The following IGSF21 variants were observed in gnomAD, a reference collection of about 807,000 sequenced individuals.
The protein encoded by IGSF21 is immunoglobulin superfamily member 21.
Under a neutral mutation model 46.8 loss-of-function variants are expected in IGSF21, and 28 were observed. That is an observed-to-expected ratio of 0.60 (90% CI 0.44 to 0.82). IGSF21 has a LOEUF of 0.82. IGSF21 is among the 40% of genes least tolerant of loss of function. IGSF21 has a pLI of 0.00. For missense variants in IGSF21, 624 were observed against 665.5 expected (o/e 0.94, Z 0.69); for synonymous variants, 284 against 273.6 (o/e 1.04, Z -0.38).
rs116910727 is a variant in IGSF21, at chr1:18,210,749, A to G, written c.71-17149A>G. Among the ~76,000 whole-genome samples, 554 of 152,304 alleles carry G rather than the reference A, an allele frequency of 3.6e-3. 14 individuals are homozygous for G. In the South Asian group the frequency reaches 0.066, roughly 18 times the overall value. Reference sequence around the variant, plus strand: ...CCTGCACACCAGATGCCAGTAGCGCAGCCCCCCTCCAGTTGTGATAGCAGA... The same window carrying G: ...CCTGCACACCAGATGCCAGTAGCGCGGCCCCCCTCCAGTTGTGATAGCAGA... On this transcript the variant is annotated intron_variant, in intron 1 of 9. Coordinates refer to ENST00000251296, the MANE Select transcript of IGSF21 (RefSeq NM_032880.5).
At chr1:18,204,481 G>A (rs536032724) in intron 1 of IGSF21, among the ~76,000 whole-genome samples, 12 of 152,292 alleles carry the variant, frequency 7.9e-5, no homozygotes, top group South Asian at 6.2e-4. Flanking sequence ...TGAGTGTGGC[G>A]TGCGCTGCTT....
intron 4 of IGSF21, among the ~76,000 whole-genome samples, chr1:18,338,332 A>T (rs1569838513): frequency 6.6e-6 from 1 of 152,202 alleles, no homozygotes; most frequent in African/African-American, 2.4e-5. Context: ...GCTTTGGTTC[A>T]TCTGTGGCAT....
chr1:18,218,197 G>A (rs1256431613), intron 1 of IGSF21, among the ~76,000 whole-genome samples: 4 of 152,188 alleles, frequency 2.6e-5, no homozygotes, highest in Non-Finnish European at 5.9e-5. Context: ...AGGTGAAGGG[G>A]AAGCAGGCAC....
At chr1:18,326,236 G>A (rs2085656903) in intron 3 of IGSF21, among the ~76,000 whole-genome samples, 1 of 152,244 alleles carries the variant, frequency 6.6e-6, no homozygotes, top group Non-Finnish European at 1.5e-5. Flanking sequence ...CTTGGAGAAT[G>A]AGCAGGTGTT....
chr1:18,215,282 G>C (rs1467495258), intron 1 of IGSF21, among the ~76,000 whole-genome samples: 4 of 152,320 alleles, frequency 2.6e-5, no homozygotes, highest in Admixed American at 6.5e-5. Flanking sequence ...CATTCAATGT[G>C]TCCTCAATGC....
At chr1:18,316,987 A>G (rs968123854) in intron 3 of IGSF21, among the ~76,000 whole-genome samples, 3 of 152,164 alleles carry the variant, frequency 2.0e-5, no homozygotes, top group Non-Finnish European at 4.4e-5. Flanking sequence ...GACAGAGTCC[A>G]CCCTTTGTTT....
At chr1:18,332,414 T>C (rs1413912483) in intron 3 of IGSF21, among the ~76,000 whole-genome samples, 3 of 152,278 alleles carry the variant, frequency 2.0e-5, no homozygotes, top group South Asian at 4.1e-4. Context: ...CCAACACCTA[T>C]GAGTGTCACC....
At chr1:18,356,385 T>C (rs1182885980) in intron 4 of IGSF21, among the ~76,000 whole-genome samples, 4 of 152,106 alleles carry the variant, frequency 2.6e-5, no homozygotes, top group African/African-American at 4.8e-5. Flanking sequence ...GCACTGGACA[T>C]CATTGTCTAC....
chr1:18,320,828 G>T (rs2085593848), intron 3 of IGSF21, among the ~76,000 whole-genome samples: 2 of 152,188 alleles, frequency 1.3e-5, no homozygotes, highest in African/African-American at 4.8e-5. Context: ...TGTTCAGTGA[G>T]GTTTATCATT....
At chr1:18,200,627 A>G (rs528323886) in intron 1 of IGSF21, among the ~76,000 whole-genome samples, 1 of 152,296 alleles carries the variant, frequency 6.6e-6, no homozygotes, top group Admixed American at 6.5e-5. Context: ...ATTATATTCA[A>G]TTCGGGCCCT....
At chr1:18,248,369 T>C (rs2084804142) in intron 2 of IGSF21, among the ~76,000 whole-genome samples, 1 of 152,216 alleles carries the variant, frequency 6.6e-6, no homozygotes, top group Admixed American at 6.5e-5. Flanking sequence ...TTGGGCAGCC[T>C]GTCGGAGGTT....
intron 2 of IGSF21, among the ~76,000 whole-genome samples, chr1:18,278,412 T>C (rs2085124975): frequency 6.6e-6 from 1 of 151,800 alleles, no homozygotes; most frequent in Admixed American, 6.6e-5. Context: ...GGCTAATGTT[T>C]GTATTTTTAG....
intron 1 of IGSF21, among the ~76,000 whole-genome samples, chr1:18,185,946 C>T (rs1369741077): frequency 1.3e-5 from 2 of 152,178 alleles, no homozygotes; most frequent in Non-Finnish European, 2.9e-5. Context: ...CCTTGTCTCC[C>T]AGGAGCTGGG....
At chr1:18,134,202 C>G (rs12132191) in intron 1 of IGSF21, among the ~76,000 whole-genome samples, 23,708 of 152,132 alleles carry the variant, frequency 0.16, 2,180 homozygotes, top group Middle Eastern at 0.26. Flanking sequence ...TGTGGCCCCC[C>G]TTAACCCTCC....
intron 2 of IGSF21, among the ~76,000 whole-genome samples, chr1:18,275,546 G>A (rs935409335): frequency 8.5e-5 from 13 of 152,130 alleles, no homozygotes; most frequent in African/African-American, 3.1e-4. Flanking sequence ...TGACGATGCT[G>A]TTCTCCCCAT....
At chr1:18,160,448 G>A (rs981721133) in intron 1 of IGSF21, among the ~76,000 whole-genome samples, 4 of 152,218 alleles carry the variant, frequency 2.6e-5, no homozygotes, top group Admixed American at 1.3e-4. Flanking sequence ...ATAATGGCAG[G>A]CGGTGAGCTC....
chr1:18,182,547 T>C (rs955421464), intron 1 of IGSF21, among the ~76,000 whole-genome samples: 7 of 152,218 alleles, frequency 4.6e-5, no homozygotes, highest in Admixed American at 6.5e-5. Context: ...GTCACAACTC[T>C]TAGCAGCTGT....
At chr1:18,132,591 G>A (rs933295506) in intron 1 of IGSF21, among the ~76,000 whole-genome samples, 6 of 152,176 alleles carry the variant, frequency 3.9e-5, no homozygotes, top group Admixed American at 1.3e-4. Flanking sequence ...CCATGATTGC[G>A]TTCTGGGTCC....
chr1:18,263,523 G>T (rs2084965405), intron 2 of IGSF21, among the ~76,000 whole-genome samples: 1 of 152,164 alleles, frequency 6.6e-6, no homozygotes, highest in South Asian at 2.1e-4. Flanking sequence ...TTTTATTTGC[G>T]ATGTGAATCT....
Sources: gnomAD v4.1 joint callset for allele counts (sites outside exome capture counted in the v4.1 genomes callset) on GRCh38, gnomAD v4.1.1 for gene constraint, MANE v1.5 for transcripts, NCBI Gene and HGNC (gene_info 2026-07-23, HGNC 2026-07-21) for gene names.